The following APBB1IP variants were observed in gnomAD, a reference collection of about 807,000 sequenced individuals.
The protein encoded by APBB1IP is amyloid beta precursor protein binding family B member 1 interacting protein.
A neutral mutation model predicts 64.9 loss-of-function variants in APBB1IP; 27 were observed. The observed-to-expected ratio is 0.42, with a 90% CI of 0.31 to 0.57. APBB1IP has a LOEUF of 0.57. Among genes scored for constraint, APBB1IP ranks in the 20% least tolerant of loss-of-function variants. The probability of loss-of-function intolerance (pLI) is 0.20; values close to 1 mark genes in which losing one functional copy is unlikely to be tolerated. For synonymous variants in APBB1IP, 392 were observed against 331.0 expected (o/e 1.18, Z -2.00); for missense variants, 812 against 845.5 (o/e 0.96, Z 0.49).
chr10:26,441,500 C>T (rs973032895), intron 2 of APBB1IP, among the ~76,000 whole-genome samples: 4 of 152,142 alleles, frequency 2.6e-5, no homozygotes, highest in African/African-American at 9.7e-5. Context: ...ATGTGACCTG[C>T]CACCACTGCA....
chr10:26,513,798 TC>T, intron 8 of APBB1IP, 138 bp downstream of exon 8: 1 of 1,076,876 alleles, frequency 9.3e-7, no homozygotes. Context: ...AGTGGCGTGA[TC>T]TTGGCTCACT....
At chr10:26,513,450 C>G in intron 7 of APBB1IP, 89 bp from the exon 8 acceptor site, 2 of 1,458,080 alleles carry the variant, frequency 1.4e-6, no homozygotes, top group Non-Finnish European at 1.9e-6. Flanking sequence ...TGATGAAAGT[C>G]ATGAAGCATT....
intron 5 of APBB1IP, 193 bp downstream of exon 5, chr10:26,501,304 T>C (rs916385937): frequency 2.2e-5 from 15 of 680,256 alleles, no homozygotes; most frequent in East Asian, 1.4e-4. Context: ...GTATCAAGAA[T>C]GTATTAGGGC....
chr10:26,558,297 G>C (rs1421379126), intron 11 of APBB1IP, among the ~76,000 whole-genome samples: 3 of 152,158 alleles, frequency 2.0e-5, no homozygotes, highest in African/African-American at 4.8e-5. Context: ...CCCCTCGCCT[G>C]ATGACGGTGA....
intron 2 of APBB1IP, among the ~76,000 whole-genome samples, chr10:26,485,627 C>A (rs1835881920): frequency 6.6e-6 from 1 of 152,166 alleles, no homozygotes; most frequent in Non-Finnish European, 1.5e-5. Context: ...GTTTAGATGT[C>A]ACAACAAGCC....
chr10:26,557,782 G>C (rs1836912588), intron 11 of APBB1IP, among the ~76,000 whole-genome samples: 1 of 152,208 alleles, frequency 6.6e-6, no homozygotes, highest in Non-Finnish European at 1.5e-5. Flanking sequence ...TGCTGGCTGA[G>C]TCATTAGAAA....
chr10:26,512,003 T>C (rs893866762), intron 7 of APBB1IP, 97 bp downstream of exon 7: 2 of 1,344,490 alleles, frequency 1.5e-6, no homozygotes, highest in Non-Finnish European at 1.0e-6. Context: ...TTTAATTTTA[T>C]ATAAAAAATA....
chr10:26,552,251 A>C (rs1206744101), intron 11 of APBB1IP, among the ~76,000 whole-genome samples: 1 of 152,154 alleles, frequency 6.6e-6, no homozygotes, highest in Non-Finnish European at 1.5e-5. Flanking sequence ...GTGAGTTATG[A>C]TCACACTACT....
chr10:26,503,304 C>T (rs1440204877), intron 6 of APBB1IP, 30 bp downstream of exon 6: 7 of 1,607,988 alleles, frequency 4.4e-6, no homozygotes, highest in African/African-American at 1.3e-5. Flanking sequence ...TGCATGGGGG[C>T]AGTTCAATTA....
intron 10 of APBB1IP, among the ~76,000 whole-genome samples, chr10:26,539,694 G>C (rs1443457935): frequency 2.0e-5 from 3 of 152,002 alleles, no homozygotes; most frequent in Non-Finnish European, 4.4e-5. Flanking sequence ...TACAGTGAGA[G>C]AGTACATTTG....
At chr10:26,442,888 G>A (rs1835351638) in intron 2 of APBB1IP, among the ~76,000 whole-genome samples, 1 of 152,016 alleles carries the variant, frequency 6.6e-6, no homozygotes, top group Admixed American at 6.6e-5. Flanking sequence ...TGTAAAGGAT[G>A]GTGTCAAACT....
chr10:26,495,368 G>A (rs1836008206), intron 3 of APBB1IP, among the ~76,000 whole-genome samples: 1 of 116,432 alleles, frequency 8.6e-6, no homozygotes, highest in South Asian at 3.2e-4. Context: ...GTGAACGTGT[G>A]TGGTCTCTCT....
At chr10:26,526,323 G>A (rs1412877852) in intron 8 of APBB1IP, among the ~76,000 whole-genome samples, 1 of 152,146 alleles carries the variant, frequency 6.6e-6, no homozygotes, top group Admixed American at 6.6e-5. Context: ...ACTTACATGA[G>A]GTAAAGTAAG....
At chr10:26,476,737 G>C (rs886158462) in intron 2 of APBB1IP, among the ~76,000 whole-genome samples, 1 of 152,032 alleles carries the variant, frequency 6.6e-6, no homozygotes, top group African/African-American at 2.4e-5. Flanking sequence ...ACTATATTCT[G>C]ATATATAGTC....
intron 11 of APBB1IP, among the ~76,000 whole-genome samples, chr10:26,552,613 TGAAA>T (rs1264589311): frequency 3.1e-5 from 4 of 130,046 alleles, no homozygotes; most frequent in East Asian, 2.2e-4. Context: ...AAGAAAGGAA[TGAAA>T]GAAAGAAAGA....
intron 11 of APBB1IP, among the ~76,000 whole-genome samples, chr10:26,546,895 T>C (rs1836771642): frequency 6.6e-6 from 1 of 152,238 alleles, no homozygotes; most frequent in South Asian, 2.1e-4. Flanking sequence ...TGATTTCATT[T>C]CCTTTGTATA....
At chr10:26,524,378 C>T (rs892779532) in intron 8 of APBB1IP, among the ~76,000 whole-genome samples, 4 of 151,918 alleles carry the variant, frequency 2.6e-5, no homozygotes, top group African/African-American at 9.7e-5. Context: ...TCCGTAATTA[C>T]CCACTTCTTT....
intron 2 of APBB1IP, among the ~76,000 whole-genome samples, chr10:26,463,860 C>A (rs555374959): frequency 6.6e-5 from 10 of 152,184 alleles, no homozygotes; most frequent in Non-Finnish European, 1.5e-4. Flanking sequence ...GCCCCACATG[C>A]ATTAGGTATT....
rs542789729 is a variant in APBB1IP, at chr10:26,567,545, T to C, written c.*57T>C. 2 of 1,508,134 alleles carry C rather than the reference T, an allele frequency of 1.3e-6. No individual in the cohort carries two copies. Among genetic ancestry groups the C allele is most frequent in the South Asian group, 2.2e-5 (2 of 89,018 alleles). 93.4% of individuals were successfully genotyped at this position (1,508,134 alleles called of 1,614,324 possible). A position where few individuals can be genotyped will look rare whatever the true frequency, so the allele number is the denominator to read the frequency against. The stretch of plus-strand genomic sequence containing the variant: ...AGCATCGCTGACCCCGAGCGCAGGT[T>C]TTGCTAGCAGATTGCCCTGACATCT... On this transcript the variant is annotated 3_prime_UTR_variant, in exon 15 of 15. Coordinates refer to ENST00000376236, the MANE Select transcript of APBB1IP (RefSeq NM_019043.4).
Sources: allele counts gnomAD v4.1 joint callset (sites outside exome capture counted in the v4.1 genomes callset), GRCh38; gene constraint gnomAD v4.1.1; transcripts MANE v1.5; gene names NCBI Gene and HGNC (gene_info 2026-07-23, HGNC 2026-07-21).